Variants in POMT2 observed in about 807,000 individuals in gnomAD.
The protein encoded by POMT2 is protein O-mannosyl-transferase 2.
A neutral mutation model predicts 100.0 loss-of-function variants in POMT2; 75 were observed. The observed-to-expected ratio is 0.75, with a 90% confidence interval of 0.62 to 0.91. POMT2 has a LOEUF of 0.91. POMT2 is among the 40% of genes least tolerant of loss of function. The pLI is 0.00. For synonymous variants in POMT2, 378 were observed against 374.1 expected, an observed-to-expected ratio of 1.01 and a Z score of -0.12; for missense variants, 940 against 955.1, an observed-to-expected ratio of 0.98 and a Z score of 0.21.
chr14:77,306,679 G>A, intron 2 of POMT2: 1 of 435,308 alleles, frequency 2.3e-6, no homozygotes, highest in South Asian at 2.1e-5. Context: ...TCTAGGAACA[G>A]CACAACCTAA....
At chr14:77,301,958 AACAG>A (rs1891059725) in intron 5 of POMT2, among the ~76,000 whole-genome samples, 2 of 152,156 alleles carry the variant, frequency 1.3e-5, no homozygotes, top group South Asian at 4.1e-4. Context: ...AGCCAAGCCC[AACAG>A]AGCTCAGTAC....
chr14:77,303,558 C>A lies in POMT2; in HGVS notation c.548-615G>T, dbSNP rs372108322. Among the ~76,000 whole-genome samples, 40 of 152,232 alleles carry A rather than the reference C, an allele frequency of 2.6e-4. 2 individuals carry two copies. In the South Asian group the frequency reaches 7.7e-3, roughly 29 times the overall value. On this transcript the variant is annotated intron_variant, in intron 4 of 20. Transcript: ENST00000261534. ...CTCACTCTGCCCTTTCCACGCCAGC[C>A]TTCTTACTGTGATTTGAACCCACAG... is the stretch of plus-strand genomic sequence containing the variant.
intron 20 of POMT2, 52 bp downstream of exon 20, chr14:77,278,342 A>AGAATCAG: frequency 7.4e-7 from 1 of 1,357,422 alleles, no homozygotes; most frequent in Non-Finnish European, 1.0e-6. Context: ...ATCAGGGCTG[A>AGAATCAG]GGCACTGCTG....
Position 77,276,299 on chromosome 14 carries a change from AGAGAAAGGG to A in POMT2, c.*1068_*1076del, listed in dbSNP as rs1386212652. The stretch of plus-strand genomic sequence containing the variant: ...GTCTTCACTGCTGAAGCAGTGACAG[AGAGAAAGGG>A]AATTGCCCACGGAGTGAGGGAGGGG... On this transcript the variant is annotated 3_prime_UTR_variant, in exon 21 of 21. Coordinates refer to ENST00000261534, the MANE Select transcript of POMT2 (RefSeq NM_013382.7). 6.6e-6 allele frequency: 1 copy of A among 152,632 alleles called. No individual in the cohort carries two copies. The highest frequency in any genetic ancestry group is 2.4e-5 in the African/African-American group (1 of 41,444). 9.5% of individuals were successfully genotyped at this position (152,632 alleles called of 1,614,324 possible).
chr14:77,317,160 C>T (rs1462045403), intron 1 of POMT2, among the ~76,000 whole-genome samples: 1 of 152,254 alleles, frequency 6.6e-6, no homozygotes. Flanking sequence ...AGACTTGTGA[C>T]TCCTGCCAAA....
At chr14:77,310,090 T>C (rs993810229) in intron 2 of POMT2, among the ~76,000 whole-genome samples, 1 of 152,244 alleles carries the variant, frequency 6.6e-6, no homozygotes, top group Non-Finnish European at 1.5e-5. Flanking sequence ...AAGACTGGGC[T>C]GGGTTTCCTA....
intron 2 of POMT2, among the ~76,000 whole-genome samples, chr14:77,311,206 G>A (rs990888777): frequency 6.6e-6 from 1 of 152,216 alleles, no homozygotes; most frequent in Non-Finnish European, 1.5e-5. Flanking sequence ...ACATGTGAGA[G>A]AAACAGATCA....
At position 77,281,095 on chromosome 14, in the gene POMT2, AAAATAAATAAAT is replaced by A. The variant is rs145830278; in HGVS notation, c.1654-644_1654-633del. Among the ~76,000 whole-genome samples the A allele has an allele frequency of 4.9e-3, 706 of 144,764 alleles. 3 individuals are homozygous for A. Among genetic ancestry groups the A allele is most frequent in the East Asian group, 0.015 (72 of 4,872 alleles). 95.0% of individuals were successfully genotyped at this position (144,764 alleles called of 152,430 possible). A position where few individuals can be genotyped will look rare whatever the true frequency, so the allele number is the denominator to read the frequency against. ...GGCAAAAAGACCAAGACTCAGTCTC[AAAATAAATAAAT>A]AAATAAATAAATAAATAAATAAATA... On this transcript the variant is annotated intron_variant, in intron 15 of 20. Transcript: ENST00000261534.
chr14:77,309,962 G>C (rs990940582), intron 2 of POMT2, among the ~76,000 whole-genome samples: 1 of 152,164 alleles, frequency 6.6e-6, no homozygotes, highest in Non-Finnish European at 1.5e-5. Flanking sequence ...ACAGGCATGA[G>C]CCACCACGCC....
chr14:77,288,441 C>T (rs1029417473), intron 11 of POMT2, among the ~76,000 whole-genome samples: 1 of 151,950 alleles, frequency 6.6e-6, no homozygotes, highest in African/African-American at 2.4e-5. Flanking sequence ...GAGGCTGAAG[C>T]GGGAGGATCG....
At chr14:77,318,627 A>T (rs1458912151) in intron 1 of POMT2, among the ~76,000 whole-genome samples, 1 of 152,244 alleles carries the variant, frequency 6.6e-6, no homozygotes, top group Non-Finnish European at 1.5e-5. Flanking sequence ...ATGGTGATCC[A>T]AATAAAAATC....
At chr14:77,301,340 A>G in intron 5 of POMT2, 91 bp from the exon 6 acceptor site, 1 of 1,534,562 alleles carries the variant, frequency 6.5e-7, no homozygotes, top group South Asian at 1.1e-5. Flanking sequence ...TCAGACTTGG[A>G]GCGGCTGTGC....
intron 2 of POMT2, among the ~76,000 whole-genome samples, chr14:77,308,356 G>GTTTT (rs529559494): frequency 7.0e-5 from 9 of 128,468 alleles, no homozygotes; most frequent in Non-Finnish European, 6.4e-5. Flanking sequence ...AAGTTTTTTT[G>GTTTT]TTTTTTTTTT....
At chr14:77,317,074 G>A (rs1891660237) in intron 1 of POMT2, among the ~76,000 whole-genome samples, 1 of 152,104 alleles carries the variant, frequency 6.6e-6, no homozygotes, top group Non-Finnish European at 1.5e-5. Flanking sequence ...AACCGGTGTG[G>A]AAACATCTAC....
Position 77,320,861 on chromosome 14 carries a change from C to G in POMT2, c.-180G>C, listed in dbSNP as rs1199954303. 6 of 1,263,000 alleles carry G rather than the reference C, an allele frequency of 4.8e-6. No homozygotes were observed. The highest frequency in any genetic ancestry group is 4.0e-5 in the Admixed American group (1 of 25,162). The allele number at this position is 1,263,000 out of a possible 1,614,324, so 78.2% of individuals were successfully genotyped here. A position where few individuals can be genotyped will look rare whatever the true frequency, so the allele number is the denominator to read the frequency against. Reference sequence around the variant, plus strand: ...CGGGCAGCGTGGTCGCGGCCCGGGCCGCTAGGAGGCGGCAGGAGGCGCAGA... The same window carrying G: ...CGGGCAGCGTGGTCGCGGCCCGGGCGGCTAGGAGGCGGCAGGAGGCGCAGA... On this transcript the variant is annotated 5_prime_UTR_variant, in exon 1 of 21. Transcript: ENST00000261534.
chr14:77,313,889 G>A (rs1240992535), intron 1 of POMT2, among the ~76,000 whole-genome samples: 1 of 152,104 alleles, frequency 6.6e-6, no homozygotes, highest in Non-Finnish European at 1.5e-5. Flanking sequence ...TGTATTTTTA[G>A]TAGAGATGGG....
rs543211953 is a variant in POMT2 at position 77,305,466 on chromosome 14, T to C, written c.439-666A>G. On this transcript the variant is annotated intron_variant, in intron 3 of 20. Coordinates refer to ENST00000261534, the MANE Select transcript of POMT2 (RefSeq NM_013382.7). ...TTTGGTTGTCACATCCAATTATGTA[T>C]GGTATGTGGTGTTCAAAAGTTATTA... Among the ~76,000 whole-genome samples the C allele has an allele frequency of 1.1e-3, 162 of 152,312 alleles. 1 individual carries two copies. The Middle Eastern group carries it at 0.027, about 26-fold the overall frequency.
At chr14:77,291,890 G>A (rs941171095) in intron 9 of POMT2, among the ~76,000 whole-genome samples, 6 of 152,016 alleles carry the variant, frequency 3.9e-5, no homozygotes, top group East Asian at 3.9e-4. Context: ...AAAATTAGCC[G>A]GGCATGGTAC....
intron 2 of POMT2, 167 bp from the exon 3 acceptor site, chr14:77,306,608 G>A: frequency 1.4e-6 from 1 of 697,250 alleles, no homozygotes; most frequent in Non-Finnish European, 2.4e-6. Flanking sequence ...ACAGAGCAAA[G>A]AATCTTTTGT....
Sources: gnomAD v4.1 joint callset for allele counts (sites outside exome capture counted in the v4.1 genomes callset) on GRCh38, gnomAD v4.1.1 for gene constraint, MANE v1.5 for transcripts, NCBI Gene and HGNC (gene_info 2026-07-23, HGNC 2026-07-21) for gene names.